FAM13A: variants seen among roughly 807,000 people sequenced by gnomAD.
FAM13A encodes protein FAM13A.
In FAM13A, 76 loss-of-function variants were observed where a neutral mutation model predicts 129.6. The ratio of observed to expected loss-of-function variants is 0.59; its 90% CI spans 0.49 to 0.71. The LOEUF is 0.71. FAM13A is among the 30% of genes least tolerant of loss of function. The pLI, the probability that FAM13A is intolerant of heterozygous loss-of-function variation, is 0.00. For missense variants in FAM13A, 1,108 were observed against 1,249.3 expected (o/e 0.89, Z 1.70); for synonymous variants, 443 against 449.9 (o/e 0.98, Z 0.20).
At chr4:88,741,623 T>C (rs1578443347) in intron 19 of FAM13A, among the ~76,000 whole-genome samples, 2 of 152,268 alleles carry the variant, frequency 1.3e-5, no homozygotes, top group Middle Eastern at 6.8e-3. Context: ...TTTGGGCCCT[T>C]TTCTGCATTT....
chr4:88,818,768 T>C (rs1250703155), intron 7 of FAM13A, among the ~76,000 whole-genome samples: 1 of 152,076 alleles, frequency 6.6e-6, no homozygotes, highest in Admixed American at 6.6e-5. Flanking sequence ...GTGCCAGGAG[T>C]GCTACCAGAG....
chr4:88,732,393 C>T (rs1421873967), intron 21 of FAM13A, 195 bp from the exon 22 acceptor site: 4 of 435,486 alleles, frequency 9.2e-6, no homozygotes, highest in African/African-American at 2.0e-5. Flanking sequence ...CATTTAATAA[C>T]ACAATGTAGC....
chr4:89,016,394 T>C (rs1766493864), intron 3 of FAM13A, among the ~76,000 whole-genome samples: 1 of 152,190 alleles, frequency 6.6e-6, no homozygotes, highest in African/African-American at 2.4e-5. Flanking sequence ...AGCTAAGGTC[T>C]ATTACTGAAG....
intron 1 of FAM13A, among the ~76,000 whole-genome samples, chr4:89,040,141 G>C (rs1158482782): frequency 6.6e-6 from 1 of 152,098 alleles, no homozygotes; most frequent in African/African-American, 2.4e-5. Context: ...GGTGCATGCT[G>C]CAACAGGGAT....
At chr4:88,815,241 C>G (rs12163807) in intron 7 of FAM13A, among the ~76,000 whole-genome samples, 40,707 of 151,922 alleles carry the variant, frequency 0.27, 5,725 homozygotes, top group Middle Eastern at 0.3. Context: ...ACCACCCCCC[C>G]ACCTCATTAT....
At chr4:88,854,004 T>C (rs1168155493) in intron 6 of FAM13A, among the ~76,000 whole-genome samples, 2 of 152,204 alleles carry the variant, frequency 1.3e-5, no homozygotes, top group Non-Finnish European at 2.9e-5. Context: ...GGCTCCACTA[T>C]CGGCTTCCCT....
chr4:88,822,106 T>C (rs980018752), intron 7 of FAM13A, among the ~76,000 whole-genome samples: 1 of 152,194 alleles, frequency 6.6e-6, no homozygotes, highest in Admixed American at 6.5e-5. Context: ...TAAAACCTTC[T>C]ATAGTTTTCC....
chr4:88,790,726 A>C, intron 8 of FAM13A, 99 bp from the exon 9 acceptor site: 1 of 957,496 alleles, frequency 1.0e-6, no homozygotes, highest in Non-Finnish European at 1.6e-6. Context: ...AAATTAGCTC[A>C]GTCCCAAGTG....
chr4:88,813,373 A>G (rs189075518), intron 7 of FAM13A, among the ~76,000 whole-genome samples: 6 of 152,298 alleles, frequency 3.9e-5, no homozygotes, highest in Non-Finnish European at 8.8e-5. Flanking sequence ...GGGAGGCAGT[A>G]ATTTAGAACG....
chr4:88,767,202 A>C (rs1022779365), intron 13 of FAM13A, among the ~76,000 whole-genome samples: 14 of 152,344 alleles, frequency 9.2e-5, no homozygotes, highest in African/African-American at 3.4e-4. Flanking sequence ...CCTTGTGACT[A>C]AGACTCACTA....
intron 2 of FAM13A, among the ~76,000 whole-genome samples, chr4:89,028,403 C>CT (rs1477307380): frequency 1.3e-5 from 2 of 151,906 alleles, no homozygotes; most frequent in African/African-American, 4.8e-5. Context: ...CCCTTCATGG[C>CT]TGAGCATCAT....
intron 10 of FAM13A, among the ~76,000 whole-genome samples, chr4:88,783,815 G>A (rs539058902): frequency 3.0e-4 from 45 of 152,170 alleles, no homozygotes; most frequent in African/African-American, 1.0e-3. Context: ...GTGCACACAG[G>A]GGAAGGGGCA....
chr4:88,955,293 T>C (rs865846898), intron 4 of FAM13A, among the ~76,000 whole-genome samples: 2 of 152,074 alleles, frequency 1.3e-5, no homozygotes, highest in Non-Finnish European at 1.5e-5. Flanking sequence ...AAGACCTCTA[T>C]TAACCTCAAA....
chr4:88,926,475 T>C (rs910309107), intron 5 of FAM13A, among the ~76,000 whole-genome samples: 2 of 152,206 alleles, frequency 1.3e-5, no homozygotes, highest in Non-Finnish European at 2.9e-5. Flanking sequence ...GCCATCTCAC[T>C]GGAAACAGTT....
At position 88,749,907 on chromosome 4, in the gene FAM13A, C is replaced by T. The variant is rs114727657; in HGVS notation, c.1943G>A (p.Arg648Gln). The T allele has an allele frequency of 8.9e-5, 143 of 1,613,406 alleles. No individual in the cohort carries two copies. The highest frequency in any genetic ancestry group is 4.7e-4 in the East Asian group (21 of 44,880). Residue 648 changes from arginine to glutamine, a missense_variant and splice_region_variant, in exon 16 of 24, where the codon CGG becomes CAG. Around this residue, in one of 3 missense-constraint regions of FAM13A, gnomAD observed 529 missense variants for 621.2 expected, o/e 0.85. Transcript: ENST00000264344. ...ATAGGACCCCAGAGAGGAGCTTCGCCGCCTGTGAAGAGTACGACTTGGGTC... is the reference window on the plus strand; with the variant it reads ...ATAGGACCCCAGAGAGGAGCTTCGCTGCCTGTGAAGAGTACGACTTGGGTC... Reference protein sequence around the residue: ...SPPNSHSFMRRRSSSLGSYDD... With the variant: ...SPPNSHSFMRQRSSSLGSYDD...
intron 1 of FAM13A, among the ~76,000 whole-genome samples, chr4:89,040,498 AC>A (rs1048493443): frequency 4.6e-5 from 7 of 152,228 alleles, no homozygotes; most frequent in Non-Finnish European, 1.0e-4. Flanking sequence ...ATTAACAATA[AC>A]AATTGGAGGA....
At chr4:88,731,555 A>G in intron 22 of FAM13A, 127 bp from the exon 23 acceptor site, 2 of 555,846 alleles carry the variant, frequency 3.6e-6, no homozygotes, top group Admixed American at 3.5e-5. Flanking sequence ...TGCTGAGAGC[A>G]TTGAGGGGGC....
At chr4:89,020,997 TACTC>T (rs952560231) in intron 2 of FAM13A, among the ~76,000 whole-genome samples, 3 of 152,202 alleles carry the variant, frequency 2.0e-5, no homozygotes, top group Admixed American at 2.0e-4. Flanking sequence ...AACAAAAACT[TACTC>T]AGGGCTCTAA....
intron 5 of FAM13A, among the ~76,000 whole-genome samples, chr4:88,919,617 C>G (rs892945817): frequency 6.6e-6 from 1 of 152,196 alleles, no homozygotes; most frequent in East Asian, 1.9e-4. Context: ...CCAGCATGAG[C>G]GACGCAGAAG....
Sources: gnomAD v4.1 joint callset for allele counts (sites outside exome capture counted in the v4.1 genomes callset) on GRCh38, gnomAD v4.1.1 for gene constraint, gnomAD v4.1.1 regional missense constraint, MANE v1.5 for transcripts, NCBI Gene and HGNC (gene_info 2026-07-23, HGNC 2026-07-21) for gene names.